Variants in CTNNA2 observed in about 807,000 individuals in gnomAD.
CTNNA2 encodes the protein catenin alpha 2, also known as catenin alpha-2.
In CTNNA2, 42 loss-of-function variants were observed where a neutral mutation model predicts 101.0. The ratio of observed to expected loss-of-function variants is 0.42; its 90% CI spans 0.32 to 0.54. The LOEUF is 0.54. CTNNA2 is among the 20% of genes least tolerant of loss of function. The pLI is 0.14. For missense variants in CTNNA2, 871 were observed against 1,223.1 expected, an observed-to-expected ratio of 0.71 and a Z score of 4.29; for synonymous variants, 450 against 456.4, an observed-to-expected ratio of 0.99 and a Z score of 0.18.
chr2:80,175,671 C>G (rs934915768), intron 7 of CTNNA2, among the ~76,000 whole-genome samples: 2 of 152,152 alleles, frequency 1.3e-5, no homozygotes, highest in African/African-American at 4.8e-5. Flanking sequence ...TTAAGGAGTA[C>G]TGACTCACAT....
chr2:80,636,768 C>T (rs1037261850), intron 18 of CTNNA2, among the ~76,000 whole-genome samples: 3 of 152,082 alleles, frequency 2.0e-5, no homozygotes, highest in African/African-American at 7.2e-5. Context: ...ATTGCCTTTC[C>T]TACACCTTCT....
At chr2:80,346,161 G>C (rs528371410) in intron 7 of CTNNA2, among the ~76,000 whole-genome samples, 98 of 152,286 alleles carry the variant, frequency 6.4e-4, no homozygotes, top group African/African-American at 2.3e-3. Context: ...AATCATGTTT[G>C]AACTCTTTTG....
At chr2:80,431,776 A>T (rs1681541805) in intron 9 of CTNNA2, among the ~76,000 whole-genome samples, 1 of 152,234 alleles carries the variant, frequency 6.6e-6, no homozygotes, top group South Asian at 2.1e-4. Flanking sequence ...TTATGTAAGT[A>T]GAAGCCAAAG....
At chr2:79,817,156 A>G (rs1339834505) in intron 3 of CTNNA2, among the ~76,000 whole-genome samples, 1 of 151,994 alleles carries the variant, frequency 6.6e-6, no homozygotes, top group African/African-American at 2.4e-5. Context: ...ATTTAGCATT[A>G]GGTATATCCC....
At chr2:79,842,600 A>G (rs72916662) in intron 3 of CTNNA2, among the ~76,000 whole-genome samples, 3,254 of 152,272 alleles carry the variant, frequency 0.021, 150 homozygotes, top group African/African-American at 0.074. Context: ...AAGGTTACTA[A>G]GATCACCGAC....
chr2:80,177,250 C>T (rs1705450775), intron 7 of CTNNA2, among the ~76,000 whole-genome samples: 1 of 152,102 alleles, frequency 6.6e-6, no homozygotes, highest in African/African-American at 2.4e-5. Context: ...GTGGATAAGG[C>T]ATTATGTGAG....
In CTNNA2 at chr2:80,108,468, G is replaced by A. The variant is rs982022210; in HGVS notation, c.1056+198671G>A. Among the ~76,000 whole-genome samples, 50 of 152,260 alleles carry A rather than the reference G, an allele frequency of 3.3e-4. 1 individual carries two copies. The highest frequency in any genetic ancestry group is 1.2e-3 in the African/African-American group (48 of 41,550). Reference sequence around the variant, plus strand: ...GGCAAATAGCTATGCTGCCACCCCTGTCTCCCATGCCTGGCACATGCCACT... The same window carrying A: ...GGCAAATAGCTATGCTGCCACCCCTATCTCCCATGCCTGGCACATGCCACT... On this transcript the variant is annotated intron_variant, in intron 7 of 18. Coordinates refer to ENST00000402739, the MANE Select transcript of CTNNA2 (RefSeq NM_001282597.3).
Position 80,521,699 on chromosome 2 carries a change from G to A in CTNNA2, c.1291-23283G>A, listed in dbSNP as rs202183541. ...TAGGAGTGGGAGAAGACAAGGGAAC[G>A]AATTCTCTCCTGGAGCCTCCGGAAA... On this transcript the variant is annotated intron_variant, in intron 9 of 18. Transcript: ENST00000402739. 1.1e-4 allele frequency among the ~76,000 whole-genome samples: 16 copies of A among 152,192 alleles called. No individual in the cohort carries two copies. The East Asian group carries it at 2.1e-3, about 20-fold the overall frequency.
intron 7 of CTNNA2, among the ~76,000 whole-genome samples, chr2:80,005,159 A>G (rs1693244622): frequency 6.6e-6 from 1 of 152,196 alleles, no homozygotes. Flanking sequence ...GGAAATCTTG[A>G]GAATCTGGCA....
intron 7 of CTNNA2, among the ~76,000 whole-genome samples, chr2:80,013,357 C>A (rs918807876): frequency 8.5e-5 from 13 of 152,124 alleles, no homozygotes; most frequent in African/African-American, 3.1e-4. Context: ...ACACTCTTTC[C>A]TGAGTATTTT....
At chr2:79,934,328 C>G (rs544941490) in intron 7 of CTNNA2, among the ~76,000 whole-genome samples, 1 of 152,320 alleles carries the variant, frequency 6.6e-6, no homozygotes, top group African/African-American at 2.4e-5. Flanking sequence ...TTGCACCAAT[C>G]TAATAATATC....
intron 9 of CTNNA2, among the ~76,000 whole-genome samples, chr2:80,426,413 T>C (rs1342177680): frequency 6.6e-6 from 1 of 152,194 alleles, no homozygotes; most frequent in Admixed American, 6.5e-5. Context: ...ATTGCTTGCC[T>C]GCTCAGTCAA....
At chr2:80,521,836 A>G (rs1166361180) in intron 9 of CTNNA2, among the ~76,000 whole-genome samples, 1 of 152,170 alleles carries the variant, frequency 6.6e-6, no homozygotes, top group African/African-American at 2.4e-5. Context: ...TTAAAGTTGT[A>G]ATTTTTAACA....
intron 7 of CTNNA2, among the ~76,000 whole-genome samples, chr2:80,168,526 C>A (rs935655226): frequency 2.0e-5 from 3 of 152,132 alleles, no homozygotes; most frequent in African/African-American, 7.2e-5. Flanking sequence ...CTTCTGATCA[C>A]CTTCCTACTA....
At chr2:79,990,938 A>G (rs554220014) in intron 7 of CTNNA2, among the ~76,000 whole-genome samples, 2 of 152,160 alleles carry the variant, frequency 1.3e-5, no homozygotes, top group South Asian at 2.1e-4. Flanking sequence ...AGCTATTATT[A>G]TCTCAATTTC....
intron 2 of CTNNA2, among the ~76,000 whole-genome samples, chr2:79,706,563 T>G (rs536664334): frequency 6.6e-6 from 1 of 152,200 alleles, no homozygotes. Context: ...CTTGCCATCA[T>G]CTTTAAGGAG....
chr2:79,978,685 C>T (rs1256596847), intron 7 of CTNNA2, among the ~76,000 whole-genome samples: 1 of 152,116 alleles, frequency 6.6e-6, no homozygotes, highest in Non-Finnish European at 1.5e-5. Flanking sequence ...CTCATAAGTG[C>T]TGTAAGAGCC....
intron 9 of CTNNA2, among the ~76,000 whole-genome samples, chr2:80,440,653 A>G (rs1278930605): frequency 1.3e-5 from 2 of 152,186 alleles, no homozygotes; most frequent in Non-Finnish European, 2.9e-5. Flanking sequence ...GAAGGAAGAT[A>G]GAACTTTATA....
rs78646883 is a variant in CTNNA2, at chr2:79,470,845, G to C, written c.-134-34209G>C. On this transcript the variant is annotated intron_variant, in intron 4 of 21. Coordinates refer to the CTNNA2 transcript ENST00000466387. Reference sequence around the variant, plus strand: ...CACGGAGTCATTCAGACTTATTTTGGGGGCTCTAACGTTCCTGCAAAATCT... The same window carrying C: ...CACGGAGTCATTCAGACTTATTTTGCGGGCTCTAACGTTCCTGCAAAATCT... Among the ~76,000 whole-genome samples, 441 of 152,158 alleles carry C rather than the reference G, an allele frequency of 2.9e-3. 2 individuals are homozygous for C. Among genetic ancestry groups the C allele is most frequent in the South Asian group, 6.2e-3 (30 of 4,806 alleles).
Sources: gnomAD v4.1 joint callset for allele counts (sites outside exome capture counted in the v4.1 genomes callset) on GRCh38, gnomAD v4.1.1 for gene constraint, MANE v1.5 for transcripts, NCBI Gene and HGNC (gene_info 2026-07-23, HGNC 2026-07-21) for gene names.